MLLT10: variants seen among roughly 807,000 people sequenced by gnomAD.
MLLT10 encodes the protein protein AF-10.
A neutral mutation model predicts 129.1 loss-of-function variants in MLLT10; 30 were observed. That is an observed-to-expected ratio of 0.23 (90% CI 0.17 to 0.32). The LOEUF (loss-of-function observed/expected upper bound fraction) is 0.32, where lower values mean the gene tolerates loss of function less well. Among genes scored for constraint, MLLT10 ranks in the 10% least tolerant of loss-of-function variants. MLLT10 has a pLI of 1.00. For synonymous variants in MLLT10, 490 were observed against 446.4 expected (o/e 1.10, Z -1.23); for missense variants, 1,119 against 1,268.3 (o/e 0.88, Z 1.79).
intron 8 of MLLT10, among the ~76,000 whole-genome samples, chr10:21,646,504 GT>G (rs1554830411): frequency 2.0e-5 from 3 of 148,138 alleles, no homozygotes; most frequent in Non-Finnish European, 4.5e-5. Flanking sequence ...TTTTGGTTAT[GT>G]TTTTTTGGGG....
chr10:21,540,482 G>A (rs2034949662), intron 3 of MLLT10, among the ~76,000 whole-genome samples: 1 of 152,076 alleles, frequency 6.6e-6, no homozygotes, highest in Non-Finnish European at 1.5e-5. Context: ...CTTGAACCTG[G>A]GAGGTTGAGG....
At chr10:21,684,354 T>C (rs1312484866) in intron 13 of MLLT10, among the ~76,000 whole-genome samples, 3 of 152,174 alleles carry the variant, frequency 2.0e-5, no homozygotes, top group African/African-American at 7.2e-5. Context: ...AATCGATGCC[T>C]CCAATTTAGA....
At chr10:21,628,248 G>C (rs781006343) in intron 8 of MLLT10, among the ~76,000 whole-genome samples, 5 of 152,114 alleles carry the variant, frequency 3.3e-5, no homozygotes, top group Non-Finnish European at 5.9e-5. Flanking sequence ...ATCTGTGTTA[G>C]TTAACTATTG....
chr10:21,624,950 T>C, intron 8 of MLLT10: 1 of 1,306,566 alleles, frequency 7.7e-7, no homozygotes. Context: ...CCCTCCCCCT[T>C]GGTGGTGGTG....
chr10:21,668,974 T>A, intron 9 of MLLT10: 1 of 1,357,712 alleles, frequency 7.4e-7, no homozygotes, highest in Non-Finnish European at 9.7e-7. Context: ...CTCAAGTAAT[T>A]GGAAAAAGTA....
At chr10:21,732,369 TG>T (rs2058042805) in intron 17 of MLLT10, among the ~76,000 whole-genome samples, 1 of 152,170 alleles carries the variant, frequency 6.6e-6, no homozygotes, top group South Asian at 2.1e-4. Context: ...CGCTCCCTGC[TG>T]GGTGACCTGC....
intron 13 of MLLT10, among the ~76,000 whole-genome samples, chr10:21,704,329 T>TTCTCTCTCTCTCTCTC (rs1198146694): frequency 2.5e-5 from 3 of 121,106 alleles, no homozygotes; most frequent in East Asian, 2.3e-4. Context: ...TCTTTTTAAA[T>TTCTCTCTCTCTCTCTC]TCTCTCTCTC....
intron 3 of MLLT10, among the ~76,000 whole-genome samples, chr10:21,562,241 A>AT (rs906261079): frequency 3.0e-4 from 44 of 148,906 alleles, no homozygotes; most frequent in African/African-American, 7.6e-4. Flanking sequence ...TTTAGAACGT[A>AT]TTTTTTTTTT....
intron 7 of MLLT10, among the ~76,000 whole-genome samples, chr10:21,615,841 C>T (rs1564513639): frequency 6.6e-6 from 1 of 152,136 alleles, no homozygotes; most frequent in Admixed American, 6.5e-5. Flanking sequence ...TTGGGTGTTA[C>T]ATATTTGTAT....
At chr10:21,682,186 A>T in intron 12 of MLLT10, 39 bp from the exon 13 acceptor site, 1 of 1,581,458 alleles carries the variant, frequency 6.3e-7, no homozygotes, top group Non-Finnish European at 8.6e-7. Context: ...GTGTTTGAGA[A>T]TGATCTTAAC....
At chr10:21,624,892 G>T in intron 8 of MLLT10, 1 of 1,212,910 alleles carries the variant, frequency 8.2e-7, no homozygotes, top group Non-Finnish European at 1.2e-6. Context: ...GGTCCCAAAG[G>T]TGCCCCCTTT....
At chr10:21,585,645 C>G (rs1280399880) in intron 3 of MLLT10, among the ~76,000 whole-genome samples, 1 of 152,176 alleles carries the variant, frequency 6.6e-6, no homozygotes, top group Non-Finnish European at 1.5e-5. Flanking sequence ...ATGTTAAAAG[C>G]CTTGCCCCAT....
chr10:21,633,364 G>GT (rs1289089567), intron 8 of MLLT10, among the ~76,000 whole-genome samples: 1 of 152,196 alleles, frequency 6.6e-6, no homozygotes, highest in African/African-American at 2.4e-5. Flanking sequence ...GTGCAAAGAT[G>GT]TTTTTAATAT....
rs377304529 is a variant in MLLT10 at position 21,733,888 on chromosome 10, G to A, written c.2617G>A (p.Val873Met). Residue 873 changes from valine (V) to methionine (M), a missense_variant, in exon 20 of 23, where the codon GTG becomes ATG. By Grantham distance (21) the Val-to-Met change is conservative. Around this residue, in one of 5 missense-constraint regions of MLLT10, gnomAD observed 1,004 missense variants for 1,008.7 expected, o/e 1.00. Transcript: ENST00000307729. Reference protein sequence around the residue: ...GVSGVQQVNGVTVGALASGMQ... With the variant: ...GVSGVQQVNGMTVGALASGMQ... ...GAGTGGAGTTCAGCAGGTCAATGGC[G>A]TGACAGTGGGGGCACTAGCTAGTGG... 1.3e-4 allele frequency: 206 copies of A among 1,614,068 alleles called. No individual in the cohort carries two copies. The highest frequency in any genetic ancestry group is 1.7e-4 in the Non-Finnish European group (198 of 1,180,042).
intron 14 of MLLT10, among the ~76,000 whole-genome samples, chr10:21,718,574 A>G (rs976069326): frequency 1.3e-5 from 2 of 152,182 alleles, no homozygotes; most frequent in African/African-American, 2.4e-5. Context: ...TTGAAATACA[A>G]TCTTCATGTG....
chr10:21,625,126 C>A, intron 8 of MLLT10: 1 of 1,016,666 alleles, frequency 9.8e-7, no homozygotes, highest in Non-Finnish European at 1.5e-6. Context: ...CTCCCCCAAC[C>A]TCTAATCGGA....
At chr10:21,543,177 A>G (rs1049520195) in intron 3 of MLLT10, among the ~76,000 whole-genome samples, 17 of 151,986 alleles carry the variant, frequency 1.1e-4, no homozygotes, top group African/African-American at 2.9e-4. Flanking sequence ...CTAGAGTGCA[A>G]TGGCACAATC....
At position 21,742,058 on chromosome 10, in the gene MLLT10, C is replaced by G. The variant is rs1013981409; in HGVS notation, c.*75C>G. The stretch of plus-strand genomic sequence containing the variant: ...TCTGGCTGCCTTTGCAGTCCTTTTA[C>G]TACAGCTATGAAGAAACGCAACAAG... On this transcript the variant is annotated 3_prime_UTR_variant, in exon 23 of 23. Coordinates refer to ENST00000307729, the MANE Select transcript of MLLT10 (RefSeq NM_001195626.3). The G allele has an allele frequency of 3.0e-6, 4 of 1,355,668 alleles. No individual in the cohort carries two copies. Among genetic ancestry groups the G allele is most frequent in the African/African-American group, 1.5e-5 (1 of 68,850 alleles). The allele number at this position is 1,355,668 out of a possible 1,614,324, so 84.0% of individuals were successfully genotyped here. A position where few individuals can be genotyped will look rare whatever the true frequency, so the allele number is the denominator to read the frequency against.
intron 14 of MLLT10, 92 bp downstream of exon 14, chr10:21,714,042 C>T: frequency 9.5e-7 from 1 of 1,056,484 alleles, no homozygotes; most frequent in Non-Finnish European, 1.3e-6. Flanking sequence ...GACATAGGGC[C>T]TTCTATAGGA....
Sources: allele counts gnomAD v4.1 joint callset (sites outside exome capture counted in the v4.1 genomes callset), GRCh38; gene constraint gnomAD v4.1.1; regional missense constraint gnomAD v4.1.1; transcripts MANE v1.5; gene names NCBI Gene and HGNC (gene_info 2026-07-23, HGNC 2026-07-21).